Variants in NBAS observed in about 807,000 individuals in gnomAD.
NBAS encodes NAG/BC035112 fusion.
In NBAS, 219 loss-of-function variants were observed where a neutral mutation model predicts 302.5. The ratio of observed to expected loss-of-function variants is 0.72; its 90% CI spans 0.65 to 0.81. NBAS has a LOEUF of 0.81. Ranked by LOEUF, NBAS falls within the 30% of genes least tolerant of loss-of-function variation. The pLI is 0.00. For synonymous variants in NBAS, 1,118 were observed against 1,021.6 expected, an observed-to-expected ratio of 1.09 and a Z score of -1.80; for missense variants, 2,932 against 2,841.6, an observed-to-expected ratio of 1.03 and a Z score of -0.72.
chr2:15,067,325 A>G, the NBAS span, among the ~76,000 whole-genome samples: 1 of 147,650 alleles, frequency 6.8e-6, no homozygotes, highest in Non-Finnish European at 1.5e-5. Flanking sequence ...AGCCCGGGTG[A>G]CAGAGTGAAA....
Position 15,555,261 on chromosome 2 carries a change from TA to T in NBAS, c.210-1124del, listed in dbSNP as rs770559877. Among the ~76,000 whole-genome samples the T allele has an allele frequency of 5.1e-3, 686 of 135,592 alleles. 1 individual carries two copies. The highest frequency in any genetic ancestry group is 5.1e-3 in the Non-Finnish European group (316 of 62,288). The allele number at this position is 135,592 out of a possible 152,430, so 89.0% of individuals were successfully genotyped here. Reference sequence around the variant, plus strand: ...TGACCAACACAATAAGACCCTCTCTTAAAAAAAAAAAAAAAATTAGTAATAT... The same window carrying T: ...TGACCAACACAATAAGACCCTCTCTTAAAAAAAAAAAAAAATTAGTAATAT... On this transcript the variant is annotated intron_variant, in intron 3 of 51. Transcript: ENST00000281513.
chr2:15,560,961 C>T (rs1227440302), intron 1 of NBAS, among the ~76,000 whole-genome samples: 1 of 152,138 alleles, frequency 6.6e-6, no homozygotes, highest in Non-Finnish European at 1.5e-5. Flanking sequence ...AAGTTCCAGC[C>T]CCCAACAACC....
At chr2:14,823,893 G>A in the NBAS span, among the ~76,000 whole-genome samples, 1,658 of 152,046 alleles carry the variant, frequency 0.011, 32 homozygotes, top group African/African-American at 0.037. Context: ...TCTTTCCATG[G>A]AAGTTTCAAA....
chr2:14,972,825 A>T, the NBAS span, among the ~76,000 whole-genome samples: 1 of 152,222 alleles, frequency 6.6e-6, no homozygotes, highest in Non-Finnish European at 1.5e-5. Context: ...TAAGTTAAAG[A>T]TCACTGTAAC....
chr2:15,098,444 T>TAATA, the NBAS span, among the ~76,000 whole-genome samples: 1 of 100,686 alleles, frequency 9.9e-6, no homozygotes, highest in Non-Finnish European at 1.7e-5. Context: ...ATATTGTATA[T>TAATA]TGTATATTAT....
At position 15,275,493 on chromosome 2, in the gene NBAS, A is replaced by T. The variant is rs767084353; in HGVS notation, c.5715T>A (p.Ala1905=). ...ATATCTTTTTGTTTACCTTGGTCAC[A>T]GCTTTTGGAGAAAATGTAACTGCAT... is the stretch of plus-strand genomic sequence containing the variant. The part of the protein sequence containing the change: ...VVDAVTFSPK[A]VTKLSVEARK... The change falls in exon 44 of 52, where the codon GCT becomes GCA. Residue 1905 remains alanine (A), a synonymous_variant. Transcript: ENST00000281513. 1 of 1,614,098 alleles carries T rather than the reference A, an allele frequency of 6.2e-7. No individual in the cohort carries two copies. Among genetic ancestry groups the T allele is most frequent in the South Asian group, 1.1e-5 (1 of 91,052 alleles).
At chr2:15,297,508 T>G (rs990406728) in intron 40 of NBAS, among the ~76,000 whole-genome samples, 1 of 152,294 alleles carries the variant, frequency 6.6e-6, no homozygotes, top group South Asian at 2.1e-4. Context: ...ATCTGGTTGT[T>G]TAAAAGTGTG....
the NBAS span, among the ~76,000 whole-genome samples, chr2:15,106,458 TCTC>T: frequency 6.7e-6 from 1 of 148,584 alleles, no homozygotes; most frequent in Non-Finnish European, 1.5e-5. Flanking sequence ...TCTGTCTCTC[TCTC>T]TCTCTCTCTC....
At chr2:15,374,150 T>A (rs1477200433) in intron 31 of NBAS, among the ~76,000 whole-genome samples, 3 of 152,190 alleles carry the variant, frequency 2.0e-5, no homozygotes, top group Non-Finnish European at 4.4e-5. Flanking sequence ...TTTCTTATCG[T>A]TCCCTCTTTT....
the NBAS span, among the ~76,000 whole-genome samples, chr2:14,895,816 G>A: frequency 4.6e-5 from 7 of 151,644 alleles, no homozygotes; most frequent in Non-Finnish European, 1.0e-4. Flanking sequence ...TTGGATACAC[G>A]AGGGTAATAA....
At position 15,179,017 on chromosome 2, in the gene NBAS, C is replaced by A. The variant is rs2125117285; in HGVS notation, c.6811G>T (p.Ala2271Ser). The change falls in exon 51 of 52, where the codon GCA (alanine) becomes TCA (serine). Residue 2271 changes from alanine (A) to serine (S), a missense_variant. Coordinates refer to ENST00000281513, the MANE Select transcript of NBAS (RefSeq NM_015909.4). ...GTGACTGCCGTGATTTGCTCCAGTGCCATCTCGTGCAGATGCTCATCTCGG... is the reference window on the plus strand; with the variant it reads ...GTGACTGCCGTGATTTGCTCCAGTGACATCTCGTGCAGATGCTCATCTCGG... The part of the protein sequence containing the change: ...ESRDEHLHEM[A>S]LEQITAVTTV... The A allele has an allele frequency of 1.9e-6, 3 of 1,613,910 alleles. No homozygotes were observed. Among genetic ancestry groups the A allele is most frequent in the South Asian group, 1.1e-5 (1 of 91,054 alleles).
chr2:15,469,952 G>A (rs546338147), intron 16 of NBAS, among the ~76,000 whole-genome samples: 13 of 151,730 alleles, frequency 8.6e-5, no homozygotes, highest in African/African-American at 2.7e-4. Context: ...AAACCTGCAC[G>A]TTGTGCACAT....
chr2:14,862,142 ATT>A, the NBAS span, among the ~76,000 whole-genome samples: 287 of 144,846 alleles, frequency 2.0e-3, 1 homozygote, highest in African/African-American at 6.5e-3. Flanking sequence ...TTATTTAAGC[ATT>A]TTTTTTTTTT....
chr2:15,168,374 G>T (rs1664133429), intron 51 of NBAS, among the ~76,000 whole-genome samples: 1 of 152,222 alleles, frequency 6.6e-6, no homozygotes, highest in South Asian at 2.1e-4. Flanking sequence ...CTTGTCTACT[G>T]ACTGTGAGAA....
chr2:15,158,810 A>G, the NBAS span, among the ~76,000 whole-genome samples: 3 of 152,004 alleles, frequency 2.0e-5, no homozygotes, highest in Admixed American at 1.3e-4. Context: ...GGAGGGGGAG[A>G]CTGAAACCAG....
At chr2:15,530,600 G>GA (rs1663171196) in intron 9 of NBAS, among the ~76,000 whole-genome samples, 1 of 151,764 alleles carries the variant, frequency 6.6e-6, no homozygotes, top group African/African-American at 2.4e-5. Context: ...TATTTATACA[G>GA]AAAAAATTAA....
At chr2:15,046,784 A>G in the NBAS span, among the ~76,000 whole-genome samples, 2 of 152,228 alleles carry the variant, frequency 1.3e-5, no homozygotes, top group Admixed American at 6.5e-5. Flanking sequence ...AATTTAATTA[A>G]TGACTAACTC....
the NBAS span, among the ~76,000 whole-genome samples, chr2:14,790,169 C>G: frequency 1.3e-5 from 2 of 152,200 alleles, no homozygotes; most frequent in African/African-American, 2.4e-5. Flanking sequence ...GTCAGGAGTA[C>G]AAATACTTAA....
chr2:15,475,510 T>C (rs973457297), intron 14 of NBAS, among the ~76,000 whole-genome samples, 177 bp downstream of exon 14: 24 of 152,192 alleles, frequency 1.6e-4, no homozygotes, highest in African/African-American at 5.3e-4. Context: ...TTCATTATAA[T>C]TGCAAATTTT....
Sources: gnomAD v4.1 joint callset for allele counts (sites outside exome capture counted in the v4.1 genomes callset) on GRCh38, gnomAD v4.1.1 for gene constraint, MANE v1.5 for transcripts, NCBI Gene and HGNC (gene_info 2026-07-23, HGNC 2026-07-21) for gene names.